The following ST6GALNAC3 variants were observed in gnomAD, a reference collection of about 807,000 sequenced individuals.
ST6GALNAC3 encodes alpha-N-acetylgalactosaminide alpha-2,6-sialyltransferase 3.
In ST6GALNAC3, 25 loss-of-function variants were observed where a neutral mutation model predicts 32.7. The observed-to-expected ratio is 0.76, with a 90% CI of 0.56 to 1.07. The LOEUF is 1.07. ST6GALNAC3 is among the 50% of genes least tolerant of loss of function. The probability of loss-of-function intolerance (pLI) is 0.00; values close to 1 mark genes in which losing one functional copy is unlikely to be tolerated. For synonymous variants in ST6GALNAC3, 129 were observed against 133.1 expected (o/e 0.97, Z 0.21); for missense variants, 355 against 382.4 (o/e 0.93, Z 0.60).
intron 3 of ST6GALNAC3, among the ~76,000 whole-genome samples, chr1:76,416,461 A>G (rs1415028612): frequency 6.6e-6 from 1 of 152,016 alleles, no homozygotes; most frequent in Non-Finnish European, 1.5e-5. Context: ...AAAATATGTC[A>G]CTAGTAGTTA....
intron 2 of ST6GALNAC3, among the ~76,000 whole-genome samples, chr1:76,346,875 C>T (rs1648561810): frequency 6.6e-6 from 1 of 152,020 alleles, no homozygotes. Context: ...TCAATAAACA[C>T]TAAATAAATT....
chr1:76,271,940 A>T (rs1332100707), intron 1 of ST6GALNAC3, among the ~76,000 whole-genome samples: 1 of 151,994 alleles, frequency 6.6e-6, no homozygotes, highest in East Asian at 1.9e-4. Context: ...GATCATTTAG[A>T]CCCCTTCCGA....
At chr1:76,220,972 G>A (rs1236902866) in intron 1 of ST6GALNAC3, among the ~76,000 whole-genome samples, 1 of 152,216 alleles carries the variant, frequency 6.6e-6, no homozygotes, top group Non-Finnish European at 1.5e-5. Flanking sequence ...CTGCCCTGTT[G>A]AGACACAAGC....
intron 1 of ST6GALNAC3, among the ~76,000 whole-genome samples, chr1:76,175,082 A>G (rs1652767517): frequency 6.6e-6 from 1 of 152,182 alleles, no homozygotes; most frequent in Non-Finnish European, 1.5e-5. Flanking sequence ...TCTTTATTGT[A>G]AAATGTGACA....
chr1:76,183,866 A>ATATG (rs1653352942), intron 1 of ST6GALNAC3, among the ~76,000 whole-genome samples: 1 of 146,084 alleles, frequency 6.8e-6, no homozygotes, highest in African/African-American at 2.5e-5. Context: ...ATATATATAT[A>ATATG]TATATATGTA....
chr1:76,538,197 A>G (rs1425235793), intron 3 of ST6GALNAC3, among the ~76,000 whole-genome samples: 1 of 152,228 alleles, frequency 6.6e-6, no homozygotes, highest in African/African-American at 2.4e-5. Flanking sequence ...CATCCCTGGG[A>G]TGCAAGTCTG....
intron 3 of ST6GALNAC3, among the ~76,000 whole-genome samples, chr1:76,612,595 A>T (rs1214737905): frequency 1.3e-5 from 2 of 152,188 alleles, no homozygotes; most frequent in Non-Finnish European, 2.9e-5. Flanking sequence ...AACAACAAGC[A>T]GAAGGAAACA....
chr1:76,362,935 G>A (rs533859273), intron 2 of ST6GALNAC3, among the ~76,000 whole-genome samples: 14 of 152,328 alleles, frequency 9.2e-5, no homozygotes, highest in Admixed American at 7.8e-4. Context: ...GACAGTGGCT[G>A]TCTTCTCACA....
intron 2 of ST6GALNAC3, among the ~76,000 whole-genome samples, chr1:76,335,344 G>C (rs989153965): frequency 6.6e-6 from 1 of 151,916 alleles, no homozygotes; most frequent in Non-Finnish European, 1.5e-5. Context: ...TTCCAGCTCA[G>C]CCGTGAGGAT....
chr1:76,496,465 G>C (rs1292786235), intron 3 of ST6GALNAC3, among the ~76,000 whole-genome samples: 1 of 152,080 alleles, frequency 6.6e-6, no homozygotes, highest in East Asian at 1.9e-4. Flanking sequence ...AACTGTTATA[G>C]TTTGGAGCTC....
At chr1:76,563,221 C>G (rs1171771733) in intron 3 of ST6GALNAC3, among the ~76,000 whole-genome samples, 4 of 152,206 alleles carry the variant, frequency 2.6e-5, no homozygotes, top group Non-Finnish European at 5.9e-5. Flanking sequence ...AACCCTCTCA[C>G]TAACCCAGGC....
chr1:76,546,243 A>G lies in ST6GALNAC3; in HGVS notation c.624-81209A>G, dbSNP rs180904101. On this transcript the variant is annotated intron_variant, in intron 3 of 4. Coordinates refer to ENST00000328299, the MANE Select transcript of ST6GALNAC3 (RefSeq NM_152996.4). Reference sequence around the variant, plus strand: ...GGACCCTCTTACAGCACCTAGCATAATACTCAATAAGTATTTGGAAGGTTG... The same window carrying G: ...GGACCCTCTTACAGCACCTAGCATAGTACTCAATAAGTATTTGGAAGGTTG... 2.0e-3 allele frequency among the ~76,000 whole-genome samples: 303 copies of G among 152,334 alleles called. 1 individual carries two copies. Among genetic ancestry groups the G allele is most frequent in the Non-Finnish European group, 3.4e-3 (231 of 68,030 alleles).
At chr1:76,512,316 A>G (rs1410148789) in intron 3 of ST6GALNAC3, among the ~76,000 whole-genome samples, 2 of 152,256 alleles carry the variant, frequency 1.3e-5, no homozygotes, top group South Asian at 2.1e-4. Context: ...TTTTCTATGC[A>G]TGTATGCATC....
chr1:76,292,539 A>G (rs1660158713), intron 1 of ST6GALNAC3, among the ~76,000 whole-genome samples: 2 of 152,130 alleles, frequency 1.3e-5, no homozygotes, highest in Non-Finnish European at 2.9e-5. Context: ...AGTAAGTAAG[A>G]TTGGCTTACT....
At chr1:76,279,619 G>A (rs563055645) in intron 1 of ST6GALNAC3, among the ~76,000 whole-genome samples, 31 of 152,312 alleles carry the variant, frequency 2.0e-4, no homozygotes, top group African/African-American at 6.7e-4. Context: ...ACTTGAGCTG[G>A]TTCAGAGCTG....
chr1:76,205,706 A>C (rs1365220500), intron 1 of ST6GALNAC3, among the ~76,000 whole-genome samples: 1 of 152,208 alleles, frequency 6.6e-6, no homozygotes, highest in Non-Finnish European at 1.5e-5. Context: ...TTTTCCTCCC[A>C]AAGAACCCAA....
chr1:76,203,184 C>T (rs1165485722), intron 1 of ST6GALNAC3, among the ~76,000 whole-genome samples: 3 of 152,094 alleles, frequency 2.0e-5, no homozygotes, highest in Admixed American at 6.6e-5. Context: ...TTTTAGAAAA[C>T]TCTTGAGACT....
chr1:76,304,450 GAAAC>G (rs1298473342), intron 1 of ST6GALNAC3, among the ~76,000 whole-genome samples: 1 of 151,820 alleles, frequency 6.6e-6, no homozygotes, highest in Non-Finnish European at 1.5e-5. Flanking sequence ...CTTTATGGGG[GAAAC>G]ACTCTGAGCA....
chr1:76,447,029 C>G (rs1426098469), intron 3 of ST6GALNAC3, among the ~76,000 whole-genome samples: 5 of 152,032 alleles, frequency 3.3e-5, no homozygotes, highest in Non-Finnish European at 7.4e-5. Flanking sequence ...GAGGTTGGAA[C>G]AGTTTGGAGG....
Sources: allele counts gnomAD v4.1 joint callset (sites outside exome capture counted in the v4.1 genomes callset), GRCh38; gene constraint gnomAD v4.1.1; transcripts MANE v1.5; gene names NCBI Gene and HGNC (gene_info 2026-07-23, HGNC 2026-07-21).